SYK: variants seen among roughly 807,000 people sequenced by gnomAD.
The protein encoded by SYK is tyrosine-protein kinase SYK.
In SYK, 16 loss-of-function variants were observed where a neutral mutation model predicts 77.8. That is an observed-to-expected ratio of 0.21 (90% CI 0.14 to 0.31). SYK has a LOEUF of 0.31. SYK is among the 10% of genes least tolerant of loss of function. The pLI, the probability that SYK is intolerant of heterozygous loss-of-function variation, is 1.00. For synonymous variants in SYK, 312 were observed against 308.7 expected, an observed-to-expected ratio of 1.01 and a Z score of -0.11; for missense variants, 529 against 814.4, an observed-to-expected ratio of 0.65 and a Z score of 4.26.
intron 13 of SYK, among the ~76,000 whole-genome samples, chr9:90,891,051 C>T (rs865798757): frequency 1.4e-4 from 21 of 152,012 alleles, no homozygotes; most frequent in African/African-American, 4.1e-4. Context: ...ACAGCCAGGC[C>T]ATTTACATAA....
chr9:90,882,311 T>G (rs756319155), intron 11 of SYK, among the ~76,000 whole-genome samples: 1 of 152,244 alleles, frequency 6.6e-6, no homozygotes, highest in Non-Finnish European at 1.5e-5. Flanking sequence ...TATAATCAGT[T>G]GTATCATTTG....
chr9:90,861,108 C>T (rs891833377), intron 3 of SYK, among the ~76,000 whole-genome samples: 3 of 152,154 alleles, frequency 2.0e-5, no homozygotes, highest in Non-Finnish European at 4.4e-5. Context: ...GTGTGTGTGA[C>T]TACGAAGCTA....
chr9:90,884,884 T>TATACACACATATGTGTATATATAACAC (rs1554714774), intron 11 of SYK, among the ~76,000 whole-genome samples: 2 of 5,296 alleles, frequency 3.8e-4, no homozygotes, highest in South Asian at 0.017. Context: ...CATATATACA[T>TATACACACATATGTGTATATATAACAC]ATATATACAT....
chr9:90,835,869 G>A (rs981759641), intron 1 of SYK, among the ~76,000 whole-genome samples: 17 of 152,126 alleles, frequency 1.1e-4, no homozygotes, highest in Non-Finnish European at 1.9e-4. Context: ...ACCCTTGAAC[G>A]TTACAGGTTT....
intron 2 of SYK, among the ~76,000 whole-genome samples, chr9:90,845,117 G>A (rs1826534773): frequency 1.3e-5 from 2 of 152,172 alleles, no homozygotes; most frequent in South Asian, 4.2e-4. Context: ...TGTATTTTTA[G>A]TAGAGATGGG....
chr9:90,831,594 G>A (rs536788680), intron 1 of SYK, among the ~76,000 whole-genome samples: 59 of 152,296 alleles, frequency 3.9e-4, no homozygotes, highest in African/African-American at 1.4e-3. Flanking sequence ...CTTATTATCA[G>A]TCCTCATGAT....
intron 7 of SYK, among the ~76,000 whole-genome samples, chr9:90,869,320 A>G (rs1023179071): frequency 1.3e-5 from 2 of 152,214 alleles, no homozygotes; most frequent in Non-Finnish European, 2.9e-5. Context: ...GAAGAACTTT[A>G]AAGTATACAT....
intron 6 of SYK, among the ~76,000 whole-genome samples, chr9:90,866,773 A>G (rs1483943161): frequency 1.3e-5 from 2 of 152,220 alleles, no homozygotes; most frequent in Non-Finnish European, 2.9e-5. Context: ...CCCACCATGA[A>G]GAAGCAACAC....
At chr9:90,859,330 C>T (rs1236930447) in intron 3 of SYK, among the ~76,000 whole-genome samples, 1 of 152,132 alleles carries the variant, frequency 6.6e-6, no homozygotes, top group Admixed American at 6.5e-5. Context: ...GTTTTACCAC[C>T]TAGGTGTACA....
At chr9:90,806,920 C>T (rs1009514488) in intron 1 of SYK, among the ~76,000 whole-genome samples, 4 of 152,166 alleles carry the variant, frequency 2.6e-5, no homozygotes, top group Admixed American at 2.6e-4. Flanking sequence ...ATGGAGATCT[C>T]ATGAGACTTT....
At chr9:90,829,090 A>G (rs954301639) in intron 1 of SYK, among the ~76,000 whole-genome samples, 1 of 152,122 alleles carries the variant, frequency 6.6e-6, no homozygotes, top group African/African-American at 2.4e-5. Flanking sequence ...GGAGTTTGAC[A>G]CCAGCCTGGC....
chr9:90,884,070 G>A (rs1828265471), intron 11 of SYK, among the ~76,000 whole-genome samples: 1 of 151,788 alleles, frequency 6.6e-6, no homozygotes, highest in African/African-American at 2.4e-5. Flanking sequence ...GGCTGTTTAT[G>A]GCCATAGAAA....
At chr9:90,805,914 T>C (rs913528259) in intron 1 of SYK, among the ~76,000 whole-genome samples, 2 of 152,256 alleles carry the variant, frequency 1.3e-5, no homozygotes, top group African/African-American at 4.8e-5. Flanking sequence ...TTTTAAACAG[T>C]GTTTGTTGAC....
chr9:90,815,625 G>A (rs576338132), intron 1 of SYK, among the ~76,000 whole-genome samples: 6 of 152,374 alleles, frequency 3.9e-5, no homozygotes, highest in Non-Finnish European at 5.9e-5. Context: ...CAAAAGGCGC[G>A]ATCAAGATTC....
intron 6 of SYK, 93 bp from the exon 7 acceptor site, chr9:90,867,038 T>C: frequency 6.9e-7 from 1 of 1,439,494 alleles, no homozygotes; most frequent in Non-Finnish European, 9.7e-7. Flanking sequence ...GTGGTGCGAT[T>C]ATAGAAGCAA....
intron 1 of SYK, among the ~76,000 whole-genome samples, chr9:90,818,602 A>G (rs1825388149): frequency 6.6e-6 from 1 of 152,242 alleles, no homozygotes; most frequent in Non-Finnish European, 1.5e-5. Flanking sequence ...TTTATTAGTG[A>G]CAGCAACCAT....
At chr9:90,816,413 A>G (rs530925258) in intron 1 of SYK, among the ~76,000 whole-genome samples, 1 of 152,156 alleles carries the variant, frequency 6.6e-6, no homozygotes, top group Non-Finnish European at 1.5e-5. Flanking sequence ...GCTGGACTAT[A>G]TGCCTCTGGT....
chr9:90,827,719 A>G (rs1424089673), intron 1 of SYK: 1 of 152,162 alleles, frequency 6.6e-6, no homozygotes, highest in African/African-American at 2.4e-5. Flanking sequence ...ACATTCTTCC[A>G]CTGAGCACAT....
At chr9:90,867,780 T>C (rs954145798) in intron 7 of SYK, among the ~76,000 whole-genome samples, 1 of 152,214 alleles carries the variant, frequency 6.6e-6, no homozygotes, top group Admixed American at 6.5e-5. Flanking sequence ...TGACATCTCA[T>C]TGATTTCCAT....
Sources: allele counts gnomAD v4.1 joint callset (sites outside exome capture counted in the v4.1 genomes callset), GRCh38; gene constraint gnomAD v4.1.1; transcripts MANE v1.5; gene names NCBI Gene and HGNC (gene_info 2026-07-23, HGNC 2026-07-21).